PSMC6: variants seen among roughly 807,000 people sequenced by gnomAD.
The protein encoded by PSMC6 is proteasome 26S subunit, ATPase 6.
In PSMC6, 3 loss-of-function variants were observed where a neutral mutation model predicts 55.9. That is an observed-to-expected ratio of 0.05 (90% CI 0.02 to 0.14). The LOEUF (loss-of-function observed/expected upper bound fraction) is 0.14. Among genes scored for constraint, PSMC6 ranks in the 10% least tolerant of loss-of-function variants. PSMC6 has a pLI of 1.00. For synonymous variants in PSMC6, 137 were observed against 155.9 expected (o/e 0.88, Z 0.90); for missense variants, 210 against 478.7 (o/e 0.44, Z 5.24).
At chr14:52,708,543 T>C (rs1440059982) in intron 3 of PSMC6, 21 bp downstream of exon 3, 2 of 1,606,782 alleles carry the variant, frequency 1.2e-6, no homozygotes, top group Non-Finnish European at 8.5e-7. Flanking sequence ...AATTAGCTTA[T>C]TAATTAGTAA....
At chr14:52,719,285 G>C (rs2041863763) in intron 10 of PSMC6, among the ~76,000 whole-genome samples, 1 of 152,114 alleles carries the variant, frequency 6.6e-6, no homozygotes, top group African/African-American at 2.4e-5. Context: ...GAGTAGATCA[G>C]TCATTCATAT....
intron 13 of PSMC6, among the ~76,000 whole-genome samples, chr14:52,724,473 G>A (rs1198007005): frequency 6.6e-6 from 1 of 152,212 alleles, no homozygotes; most frequent in East Asian, 1.9e-4. Context: ...AGTCTGAGGT[G>A]CTACAGAATT....
At chr14:52,711,262 G>C (rs1215028338) in intron 5 of PSMC6, 94 bp downstream of exon 5, 2 of 1,374,262 alleles carry the variant, frequency 1.5e-6, no homozygotes, top group East Asian at 2.3e-5. Flanking sequence ...GAATATTTTG[G>C]CACTTTTTCC....
At chr14:52,716,413 G>T (rs1255639768) in intron 7 of PSMC6, among the ~76,000 whole-genome samples, 2 of 152,318 alleles carry the variant, frequency 1.3e-5, no homozygotes, top group African/African-American at 4.8e-5. Flanking sequence ...CAATAGCCAA[G>T]ATATAGAAAC....
At chr14:52,715,587 G>C (rs1207592377) in intron 7 of PSMC6, among the ~76,000 whole-genome samples, 3 of 151,440 alleles carry the variant, frequency 2.0e-5, no homozygotes, top group Non-Finnish European at 4.4e-5. Flanking sequence ...GGCACTATGT[G>C]GTTGAAGCTT....
At chr14:52,717,267 T>C (rs1370213022) in intron 7 of PSMC6, among the ~76,000 whole-genome samples, 1 of 151,782 alleles carries the variant, frequency 6.6e-6, no homozygotes, top group Non-Finnish European at 1.5e-5. Context: ...CAATTTAAAA[T>C]AGATTTTAAA....
chr14:52,707,572 C>CGAG, intron 1 of PSMC6: 1 of 389,302 alleles, frequency 2.6e-6, no homozygotes, highest in South Asian at 2.7e-5. Flanking sequence ...GGAAGTGGGC[C>CGAG]GAGGATGTTT....
chr14:52,715,860 G>T (rs780946681), intron 7 of PSMC6, among the ~76,000 whole-genome samples: 2 of 151,906 alleles, frequency 1.3e-5, no homozygotes. Context: ...CAAGCAACCC[G>T]CCCACCTCAG....
chr14:52,720,746 A>G (rs952760474), intron 10 of PSMC6, 115 bp from the exon 11 acceptor site: 9 of 798,096 alleles, frequency 1.1e-5, no homozygotes, highest in Non-Finnish European at 1.7e-5. Context: ...CATTCTGAAG[A>G]TAGAACATAT....
At chr14:52,710,084 A>G (rs2041751018) in intron 4 of PSMC6, 1 of 153,110 alleles carries the variant, frequency 6.5e-6, no homozygotes, top group Admixed American at 6.5e-5. Flanking sequence ...AGTGGTCAGT[A>G]ATTTATATGA....
intron 10 of PSMC6, among the ~76,000 whole-genome samples, chr14:52,720,287 G>A (rs538838048): frequency 1.5e-5 from 2 of 129,740 alleles, no homozygotes; most frequent in Non-Finnish European, 3.1e-5. Flanking sequence ...AGGACTGGTC[G>A]AGCCCAGGAG....
chr14:52,711,748 C>T (rs975175120), intron 6 of PSMC6, among the ~76,000 whole-genome samples: 1 of 152,002 alleles, frequency 6.6e-6, no homozygotes, highest in Admixed American at 6.6e-5. Context: ...AAATCCTGCT[C>T]TTTTTGTGGC....
rs1220814053 is a variant in PSMC6, at chr14:52,718,105, G to A, written c.554G>A (p.Arg185Gln). The stretch of plus-strand genomic sequence containing the variant: ...GGTACGGGAAAAACACTCTTGGCAC[G>A]AGCCGTTGCTAGCCAGCTGGACTGC... The part of the protein sequence containing the change: ...PPGTGKTLLA[R>Q]AVASQLDCNF... Residue 185 changes from arginine to glutamine, a missense_variant, in exon 8 of 14, where the codon CGA becomes CAA. Coordinates refer to ENST00000445930, the MANE Select transcript of PSMC6 (RefSeq NM_002806.5). 6.2e-7 allele frequency: 1 copy of A among 1,613,430 alleles called. No homozygotes were observed. Among genetic ancestry groups the A allele is most frequent in the Non-Finnish European group, 8.5e-7 (1 of 1,179,986 alleles).
Position 52,718,073 on chromosome 14 carries a change from A to G in PSMC6, c.530-8A>G, listed in dbSNP as rs748193585. The G allele has an allele frequency of 1.2e-6, 2 of 1,611,868 alleles. No individual in the cohort carries two copies. Among genetic ancestry groups the G allele is most frequent in the South Asian group, 2.2e-5 (2 of 90,840 alleles). On this transcript the variant is annotated splice_region_variant and splice_polypyrimidine_tract_variant and intron_variant, in intron 7 of 13. Coordinates refer to ENST00000445930, the MANE Select transcript of PSMC6 (RefSeq NM_002806.5). ...CCATCTAATTAAGACTTCTTTTGTC[A>G]TTCTTAGGTACGGGAAAAACACTCT... is the stretch of plus-strand genomic sequence containing the variant.
intron 7 of PSMC6, among the ~76,000 whole-genome samples, chr14:52,717,330 ATT>A (rs71125121): frequency 1.1e-4 from 12 of 110,722 alleles, no homozygotes; most frequent in Admixed American, 4.4e-4. Flanking sequence ...GTACTTTGGA[ATT>A]TTTTTTTTTT....
At chr14:52,711,062 T>C in intron 4 of PSMC6, 39 bp from the exon 5 acceptor site, 1 of 1,364,932 alleles carries the variant, frequency 7.3e-7, no homozygotes, top group Non-Finnish European at 1.0e-6. Context: ...TATTCCGTTT[T>C]TAAGTGTTGA....
rs987617576 is a variant in PSMC6 at position 52,713,989 on chromosome 14, A to G, written c.529+21A>G. 3.8e-6 allele frequency: 5 copies of G among 1,329,718 alleles called. No individual in the cohort carries two copies. The African/African-American group carries it at 4.5e-5, about 12-fold the overall frequency. 82.4% of individuals were successfully genotyped at this position (1,329,718 alleles called of 1,614,324 possible). A position where few individuals can be genotyped will look rare whatever the true frequency, so the allele number is the denominator to read the frequency against. ...ACCAGGTTGGTATTGAATTATTTCT[A>G]CTCCACCAATAAGATAAATGAATTA... On this transcript the variant is annotated intron_variant, in intron 7 of 13. Transcript: ENST00000445930.
At chr14:52,727,440 A>G (rs539248322) in intron 13 of PSMC6, 59 bp from the exon 14 acceptor site, 9 of 1,085,560 alleles carry the variant, frequency 8.3e-6, no homozygotes, top group African/African-American at 6.4e-5. Flanking sequence ...TGTTTTTCTT[A>G]TAATGAACAT....
intron 13 of PSMC6, among the ~76,000 whole-genome samples, chr14:52,726,214 A>G (rs1374633191): frequency 6.6e-6 from 1 of 152,206 alleles, no homozygotes; most frequent in Non-Finnish European, 1.5e-5. Flanking sequence ...ACTAATGTTT[A>G]AAAAACTGCA....
Sources: allele counts gnomAD v4.1 joint callset (sites outside exome capture counted in the v4.1 genomes callset), GRCh38; gene constraint gnomAD v4.1.1; transcripts MANE v1.5; gene names NCBI Gene and HGNC (gene_info 2026-07-23, HGNC 2026-07-21).